TMPRSS11E: variants seen among roughly 807,000 people sequenced by gnomAD.
TMPRSS11E encodes the protein transmembrane serine protease 11E, also known as transmembrane protease serine 11E.
Under a neutral mutation model 48.1 loss-of-function variants are expected in TMPRSS11E, and 38 were observed. That is an observed-to-expected ratio of 0.79 (90% CI 0.61 to 1.04). The LOEUF (loss-of-function observed/expected upper bound fraction) is 1.04, where lower values mean the gene tolerates loss of function less well. Ranked by LOEUF, TMPRSS11E falls within the 50% of genes least tolerant of loss-of-function variation. The probability of loss-of-function intolerance (pLI) is 0.00; values close to 1 mark genes in which losing one functional copy is unlikely to be tolerated. For synonymous variants in TMPRSS11E, 158 were observed against 171.9 expected, an observed-to-expected ratio of 0.92 and a Z score of 0.63; for missense variants, 530 against 510.8, an observed-to-expected ratio of 1.04 and a Z score of -0.36.
At chr4:68,463,970 A>T (rs943237508) in intron 2 of TMPRSS11E, among the ~76,000 whole-genome samples, 1 of 152,170 alleles carries the variant, frequency 6.6e-6, no homozygotes, top group Non-Finnish European at 1.5e-5. Flanking sequence ...CAAGTTTTAT[A>T]AGATTCATAA....
intron 2 of TMPRSS11E, among the ~76,000 whole-genome samples, chr4:68,463,714 A>T (rs1728854161): frequency 6.6e-6 from 1 of 152,212 alleles, no homozygotes; most frequent in African/African-American, 2.4e-5. Flanking sequence ...GTCCCCATGG[A>T]TGTCTAGGAC....
In TMPRSS11E at chr4:68,497,320, A is replaced by G. The variant is rs189355054; in HGVS notation, c.*516A>G. 1 of 152,326 alleles carries G rather than the reference A, an allele frequency of 6.6e-6. No individual in the cohort carries two copies. Among genetic ancestry groups the G allele is most frequent in the East Asian group, 1.9e-4 (1 of 5,164 alleles). 9.4% of individuals were successfully genotyped at this position (152,326 alleles called of 1,614,324 possible). ...TTAGTGGAATATTAGAAATGATCAT[A>G]TTCATTATGAAAGGTCAAGCAAAGA... On this transcript the variant is annotated 3_prime_UTR_variant, in exon 10 of 10. Coordinates refer to ENST00000305363, the MANE Select transcript of TMPRSS11E (RefSeq NM_014058.4).
chr4:68,453,541 C>T (rs890740405), intron 1 of TMPRSS11E, among the ~76,000 whole-genome samples: 2 of 151,850 alleles, frequency 1.3e-5, no homozygotes, highest in Non-Finnish European at 2.9e-5. Flanking sequence ...AATTATGCTG[C>T]TAGAGAAAAT....
Position 68,478,902 on chromosome 4 carries a change from A to G in TMPRSS11E, c.1021A>G (p.Thr341Ala), listed in dbSNP as rs778731274. ...QAQVTLIDAT[T>A]CNEPQAYNDA... ...ACAGGTGACTCTCATAGACGCTACA[A>G]CTTGCAATGAACCTCAAGCTTACAA... The change falls in exon 9 of 10, where the codon ACT (threonine) becomes GCT (alanine). Residue 341 changes from threonine to alanine, a missense_variant. Physicochemically the swap from Thr to Ala is moderately conservative, Grantham distance 58. Transcript: ENST00000305363. The G allele has an allele frequency of 1.2e-6, 2 of 1,614,106 alleles. No individual in the cohort carries two copies. Among genetic ancestry groups the G allele is most frequent in the South Asian group, 1.1e-5 (1 of 91,076 alleles).
At chr4:68,486,464 T>C (rs1729557328) in intron 9 of TMPRSS11E, among the ~76,000 whole-genome samples, 1 of 152,208 alleles carries the variant, frequency 6.6e-6, no homozygotes, top group African/African-American at 2.4e-5. Flanking sequence ...GAGATCTTGG[T>C]ATTGATTTCT....
At chr4:68,449,618 T>G (rs1482441502) in intron 1 of TMPRSS11E, among the ~76,000 whole-genome samples, 1 of 151,760 alleles carries the variant, frequency 6.6e-6, no homozygotes, top group Non-Finnish European at 1.5e-5. Context: ...TCCCAGAAAT[T>G]CTAATGAATC....
intron 1 of TMPRSS11E, among the ~76,000 whole-genome samples, chr4:68,450,286 G>C (rs1728459424): frequency 6.6e-6 from 1 of 151,806 alleles, no homozygotes. Context: ...ACTATATATT[G>C]TGTATTTTAT....
At chr4:68,459,382 G>C (rs1314686767) in intron 1 of TMPRSS11E, among the ~76,000 whole-genome samples, 2 of 151,268 alleles carry the variant, frequency 1.3e-5, no homozygotes, top group Non-Finnish European at 2.9e-5. Flanking sequence ...CCATAATGTT[G>C]TTCTTAAAAA....
chr4:68,458,891 C>G (rs1220399981), intron 1 of TMPRSS11E, among the ~76,000 whole-genome samples: 2 of 152,020 alleles, frequency 1.3e-5, no homozygotes. Flanking sequence ...TTATCATCCT[C>G]GTTATTTGTA....
At chr4:68,452,177 C>G (rs1728516236) in intron 1 of TMPRSS11E, among the ~76,000 whole-genome samples, 1 of 151,838 alleles carries the variant, frequency 6.6e-6, no homozygotes, top group Non-Finnish European at 1.5e-5. Flanking sequence ...CCCACTTCAC[C>G]TGTATACTGA....
chr4:68,464,403 C>T (rs1054304807), intron 2 of TMPRSS11E, among the ~76,000 whole-genome samples: 4 of 151,988 alleles, frequency 2.6e-5, no homozygotes, highest in Non-Finnish European at 4.4e-5. Flanking sequence ...CATTTCTGCC[C>T]CTGTGTAATT....
At chr4:68,470,699 T>C (rs1729041334) in intron 4 of TMPRSS11E, among the ~76,000 whole-genome samples, 1 of 151,940 alleles carries the variant, frequency 6.6e-6, no homozygotes, top group African/African-American at 2.4e-5. Context: ...AGTGAAGAGT[T>C]AGATTCAGAA....
intron 1 of TMPRSS11E, among the ~76,000 whole-genome samples, chr4:68,450,648 G>A (rs1728472302): frequency 6.6e-6 from 1 of 151,896 alleles, no homozygotes; most frequent in South Asian, 2.1e-4. Flanking sequence ...GCACATTTAT[G>A]CTGAGGAAAG....
At chr4:68,454,020 C>T (rs1377842217) in intron 1 of TMPRSS11E, among the ~76,000 whole-genome samples, 1 of 151,850 alleles carries the variant, frequency 6.6e-6, no homozygotes, top group Non-Finnish European at 1.5e-5. Context: ...TATGCTGACT[C>T]TTATGGACAA....
At chr4:68,456,853 T>C (rs1007468097) in intron 1 of TMPRSS11E, among the ~76,000 whole-genome samples, 2 of 152,156 alleles carry the variant, frequency 1.3e-5, no homozygotes, top group Non-Finnish European at 2.9e-5. Flanking sequence ...TGGCTAGTCA[T>C]ATGCAGAAAA....
chr4:68,485,205 G>T (rs772957290), intron 9 of TMPRSS11E, among the ~76,000 whole-genome samples: 8 of 151,916 alleles, frequency 5.3e-5, no homozygotes, highest in Non-Finnish European at 7.4e-5. Flanking sequence ...GGAGTGCAGT[G>T]GTGCGATCTC....
intron 9 of TMPRSS11E, among the ~76,000 whole-genome samples, chr4:68,489,899 G>T (rs1028308488): frequency 6.6e-6 from 1 of 152,200 alleles, no homozygotes; most frequent in African/African-American, 2.4e-5. Context: ...TGGGGGATGG[G>T]CACCCATGCC....
chr4:68,464,921 T>C (rs900544475), intron 2 of TMPRSS11E, among the ~76,000 whole-genome samples: 3 of 152,326 alleles, frequency 2.0e-5, no homozygotes, highest in African/African-American at 7.2e-5. Context: ...ACAGGCTCCC[T>C]AGGCAGTTCA....
chr4:68,469,948 T>C (rs1447213975), intron 4 of TMPRSS11E, among the ~76,000 whole-genome samples: 2 of 151,948 alleles, frequency 1.3e-5, no homozygotes, highest in African/African-American at 4.8e-5. Context: ...CCAATAACTT[T>C]CCAATTTGCT....
Sources: gnomAD v4.1 joint callset for allele counts (sites outside exome capture counted in the v4.1 genomes callset) on GRCh38, gnomAD v4.1.1 for gene constraint, MANE v1.5 for transcripts, NCBI Gene and HGNC (gene_info 2026-07-23, HGNC 2026-07-21) for gene names.